Variants in DGKH observed in about 807,000 individuals in gnomAD.
DGKH encodes the protein diacylglycerol kinase eta.
DGKH carries 90 observed loss-of-function variants against 159.3 expected under a neutral mutation model. That is an observed-to-expected ratio of 0.57 (90% CI 0.48 to 0.67). DGKH has a LOEUF of 0.67. Ranked by LOEUF, DGKH falls within the 30% of genes least tolerant of loss-of-function variation. The pLI is 0.00. For synonymous variants in DGKH, 536 were observed against 553.8 expected (o/e 0.97, Z 0.45); for missense variants, 1,181 against 1,506.1 (o/e 0.78, Z 3.57).
At chr13:42,181,163 G>C (rs34830679) in intron 13 of DGKH, among the ~76,000 whole-genome samples, 2 of 150,738 alleles carry the variant, frequency 1.3e-5, no homozygotes, top group South Asian at 4.2e-4. Context: ...TGTAGTCCTA[G>C]CTACTCGGGA....
intron 1 of DGKH, among the ~76,000 whole-genome samples, chr13:42,086,952 G>A (rs1306620725): frequency 6.6e-6 from 1 of 152,006 alleles, no homozygotes; most frequent in East Asian, 1.9e-4. Flanking sequence ...GAAAGCTCTA[G>A]AGATCTGCTG....
Position 42,171,283 on chromosome 13 carries a change from G to T in DGKH, c.1367+2465G>T, listed in dbSNP as rs187677495. 1.4e-4 allele frequency among the ~76,000 whole-genome samples: 21 copies of T among 152,284 alleles called. No homozygotes were observed. The East Asian group carries it at 3.5e-3, about 25-fold the overall frequency. On this transcript the variant is annotated intron_variant, in intron 11 of 29. Transcript: ENST00000337343. ...TAAGTTAAATAGCTAATAAGTAATAGAACGGGCATGGTAAACTGCAATCCC... is the reference window on the plus strand; with the variant it reads ...TAAGTTAAATAGCTAATAAGTAATATAACGGGCATGGTAAACTGCAATCCC...
chr13:42,124,710 G>T (rs1442861623), intron 1 of DGKH, among the ~76,000 whole-genome samples: 1 of 152,140 alleles, frequency 6.6e-6, no homozygotes, highest in Non-Finnish European at 1.5e-5. Context: ...CATGTGGTAG[G>T]ACATTGAAAT....
intron 29 of DGKH, among the ~76,000 whole-genome samples, chr13:42,249,584 T>C (rs2138337706): frequency 6.6e-6 from 1 of 152,332 alleles, no homozygotes; most frequent in South Asian, 2.1e-4. Flanking sequence ...AGGACTATTC[T>C]ACTCTGCCAA....
At chr13:42,207,019 C>CTT (rs1566191693) in intron 21 of DGKH, among the ~76,000 whole-genome samples, 9 of 140,876 alleles carry the variant, frequency 6.4e-5, no homozygotes, top group African/African-American at 1.1e-4. Flanking sequence ...TTCTTTCTTT[C>CTT]TTTCTTTTTC....
Position 42,233,999 on chromosome 13 carries a change from T to C in DGKH, c.*4811T>C, listed in dbSNP as rs375304988. Reference sequence around the variant, plus strand: ...TTGCAAGTTAATCTCATTTAAGCCCTCTAAAAAGGCATGCTTTGCTAGATT... The same window carrying C: ...TTGCAAGTTAATCTCATTTAAGCCCCCTAAAAAGGCATGCTTTGCTAGATT... On this transcript the variant is annotated 3_prime_UTR_variant, in exon 30 of 30. Coordinates refer to ENST00000337343, the MANE Select transcript of DGKH (RefSeq NM_178009.5). The C allele has an allele frequency of 1.3e-5, 2 of 152,194 alleles. No homozygotes were observed. Among genetic ancestry groups the C allele is most frequent in the Admixed American group, 6.5e-5 (1 of 15,272 alleles). The allele number at this position is 152,194 out of a possible 1,614,324, so 9.4% of individuals were successfully genotyped here.
intron 1 of DGKH, among the ~76,000 whole-genome samples, chr13:42,064,135 A>G (rs1882391357): frequency 6.6e-6 from 1 of 152,140 alleles, no homozygotes; most frequent in Non-Finnish European, 1.5e-5. Context: ...CACTTTATCC[A>G]TAAAATGCAG....
downstream of DGKH, among the ~76,000 whole-genome samples, chr13:42,243,483 G>T (rs1297957693): frequency 6.6e-6 from 1 of 152,218 alleles, no homozygotes; most frequent in Non-Finnish European, 1.5e-5. Flanking sequence ...GACAAGTGTT[G>T]TCTCTAGTGG....
intron 1 of DGKH, among the ~76,000 whole-genome samples, chr13:42,105,829 C>T (rs1954741435): frequency 6.6e-6 from 1 of 152,152 alleles, no homozygotes; most frequent in Non-Finnish European, 1.5e-5. Flanking sequence ...TGCAAGCAGG[C>T]ATTTTTCTTT....
chr13:42,060,693 C>T (rs1457707896), intron 1 of DGKH, among the ~76,000 whole-genome samples: 1 of 152,216 alleles, frequency 6.6e-6, no homozygotes, highest in Non-Finnish European at 1.5e-5. Context: ...GAAAGAGACA[C>T]ATCCCCACCC....
At chr13:42,040,369 CG>C (rs1880403048) in intron 1 of DGKH, among the ~76,000 whole-genome samples, 1 of 151,994 alleles carries the variant, frequency 6.6e-6, no homozygotes, top group South Asian at 2.1e-4. Flanking sequence ...CGCCCGGCCC[CG>C]GGGGAGGCCG....
At chr13:42,255,802 T>C (rs1958652829) in intron 30 of DGKH, 1 of 551,052 alleles carries the variant, frequency 1.8e-6, no homozygotes, top group South Asian at 3.2e-5. Context: ...GTCATTGGGT[T>C]AGGGAAAGAT....
chr13:42,239,327 T>C lies in DGKH; in HGVS notation c.*10139T>C, dbSNP rs1434893822. 6.6e-6 allele frequency: 1 copy of C among 152,612 alleles called. No homozygotes were observed. Among genetic ancestry groups the C allele is most frequent in the Non-Finnish European group, 1.5e-5 (1 of 68,002 alleles). 9.5% of individuals were successfully genotyped at this position (152,612 alleles called of 1,614,324 possible). ...ACTTGAAAAGCTTTCAGAAAGCTTT[T>C]GAAAGATGACACAGTTTTCATAGCA... On this transcript the variant is annotated 3_prime_UTR_variant, in exon 30 of 30. Coordinates refer to ENST00000337343, the MANE Select transcript of DGKH (RefSeq NM_178009.5).
At chr13:42,137,127 C>T (rs1036133802) in intron 3 of DGKH, among the ~76,000 whole-genome samples, 1 of 152,172 alleles carries the variant, frequency 6.6e-6, no homozygotes, top group East Asian at 1.9e-4. Context: ...CTTCATCTCT[C>T]TCTTAGAGGG....
chr13:42,242,398 T>G lies in DGKH; in HGVS notation c.*13210T>G, dbSNP rs1038169927. The G allele has an allele frequency of 2.0e-5, 3 of 152,238 alleles. No individual in the cohort carries two copies. Among genetic ancestry groups the G allele is most frequent in the Non-Finnish European group, 4.4e-5 (3 of 68,036 alleles). 9.4% of individuals were successfully genotyped at this position (152,238 alleles called of 1,614,324 possible). On this transcript the variant is annotated 3_prime_UTR_variant, in exon 30 of 30. Transcript: ENST00000337343. Reference sequence around the variant, plus strand: ...TTATTACACAGTGGGCTCTGTTTGCTGCAGAAAAGAGTGAAACTTTTAACT... The same window carrying G: ...TTATTACACAGTGGGCTCTGTTTGCGGCAGAAAAGAGTGAAACTTTTAACT...
In DGKH at chr13:42,235,104, A is replaced by G. The variant is rs1354404163; in HGVS notation, c.*5916A>G. 2 of 152,164 alleles carry G rather than the reference A, an allele frequency of 1.3e-5. No individual in the cohort carries two copies. Among genetic ancestry groups the G allele is most frequent in the Non-Finnish European group, 2.9e-5 (2 of 68,026 alleles). 9.4% of individuals were successfully genotyped at this position (152,164 alleles called of 1,614,324 possible). On this transcript the variant is annotated 3_prime_UTR_variant, in exon 30 of 30. Coordinates refer to ENST00000337343, the MANE Select transcript of DGKH (RefSeq NM_178009.5). ...GTACCTGTTTGTGTAATTATTTCTGATATTTTTAGGAAAAGAAGTTTAACA... is the reference window on the plus strand; with the variant it reads ...GTACCTGTTTGTGTAATTATTTCTGGTATTTTTAGGAAAAGAAGTTTAACA...
intron 1 of DGKH, among the ~76,000 whole-genome samples, chr13:42,125,700 A>C (rs1955156123): frequency 6.6e-6 from 1 of 152,212 alleles, no homozygotes; most frequent in African/African-American, 2.4e-5. Context: ...TATTAACTCA[A>C]CTTAACTGTC....
intron 12 of DGKH, among the ~76,000 whole-genome samples, chr13:42,175,417 A>T (rs1285084044): frequency 2.0e-5 from 3 of 152,220 alleles, no homozygotes; most frequent in Admixed American, 2.0e-4. Context: ...ATTTTTAGTT[A>T]TGTGATTCCA....
intron 25 of DGKH, 142 bp from the exon 26 acceptor site, chr13:42,215,433 T>C: frequency 3.5e-6 from 2 of 564,998 alleles, no homozygotes; most frequent in Non-Finnish European, 6.0e-6. Context: ...AACAAATGTA[T>C]GAAACTTTGC....
Sources: allele counts gnomAD v4.1 joint callset (sites outside exome capture counted in the v4.1 genomes callset), GRCh38; gene constraint gnomAD v4.1.1; transcripts MANE v1.5; gene names NCBI Gene and HGNC (gene_info 2026-07-23, HGNC 2026-07-21).